The following CPQ variants were observed in gnomAD, a reference collection of about 807,000 sequenced individuals.
The protein encoded by CPQ is carboxypeptidase Q.
A neutral mutation model predicts 45.7 loss-of-function variants in CPQ; 37 were observed. The ratio of observed to expected loss-of-function variants is 0.81; its 90% CI spans 0.62 to 1.07. The LOEUF is 1.07. CPQ is among the 50% of genes least tolerant of loss of function. CPQ has a pLI of 0.00. For missense variants in CPQ, 537 were observed against 572.9 expected (o/e 0.94, Z 0.64); for synonymous variants, 186 against 205.8 (o/e 0.90, Z 0.82).
Position 96,706,265 on chromosome 8 carries a change from ACT to A in CPQ, c.-35+60866_-35+60867del, listed in dbSNP as rs1419054874. ...TCAAGCCCCTGGTTTTGAACCAATGACTCTATTATTTTAAGCCAGGTGTATTG... is the reference window on the plus strand; with the variant it reads ...TCAAGCCCCTGGTTTTGAACCAATGACTATTATTTTAAGCCAGGTGTATTG... On this transcript the variant is annotated intron_variant, in intron 1 of 7. Coordinates refer to ENST00000220763, the MANE Select transcript of CPQ (RefSeq NM_016134.4). Among the ~76,000 whole-genome samples the A allele has an allele frequency of 4.6e-5, 7 of 151,882 alleles. 1 individual carries two copies. Among genetic ancestry groups the A allele is most frequent in the African/African-American group, 1.5e-4 (6 of 41,342 alleles).
At chr8:96,903,931 G>C (rs1812544362) in intron 4 of CPQ, among the ~76,000 whole-genome samples, 1 of 152,188 alleles carries the variant, frequency 6.6e-6, no homozygotes, top group African/African-American at 2.4e-5. Context: ...GAGTGTCTTT[G>C]CCTTCTAGGA....
intron 5 of CPQ, among the ~76,000 whole-genome samples, chr8:97,015,643 G>GAAAT (rs1431190459): frequency 6.6e-6 from 1 of 152,028 alleles, no homozygotes; most frequent in African/African-American, 2.4e-5. Flanking sequence ...ATTGCTGGTA[G>GAAAT]AAATATAAAT....
At chr8:97,013,882 T>C (rs1426185592) in intron 5 of CPQ, among the ~76,000 whole-genome samples, 7 of 152,316 alleles carry the variant, frequency 4.6e-5, no homozygotes, top group Non-Finnish European at 7.3e-5. Flanking sequence ...ATTCTTTATA[T>C]AGAAAAAGAA....
chr8:96,960,951 C>G (rs560331291), intron 4 of CPQ, among the ~76,000 whole-genome samples: 1 of 152,164 alleles, frequency 6.6e-6, no homozygotes, highest in East Asian at 1.9e-4. Flanking sequence ...TGTATCGATT[C>G]TACTGATGAT....
At chr8:96,897,079 T>C (rs1312231350) in intron 4 of CPQ, among the ~76,000 whole-genome samples, 4 of 152,204 alleles carry the variant, frequency 2.6e-5, no homozygotes, top group African/African-American at 9.6e-5. Flanking sequence ...ATTATCATAC[T>C]TTGTTATTGC....
At chr8:96,829,586 C>A (rs1811424111) in intron 2 of CPQ, among the ~76,000 whole-genome samples, 1 of 152,062 alleles carries the variant, frequency 6.6e-6, no homozygotes. Context: ...ATAGGTGTTT[C>A]ATCTATTTTT....
In CPQ at chr8:96,879,898, C is replaced by T. The variant is rs151033390; in HGVS notation, c.742C>T (p.His248Tyr). 4 of 1,613,920 alleles carry T rather than the reference C, an allele frequency of 2.5e-6. No individual in the cohort carries two copies. The highest frequency in any genetic ancestry group is 3.4e-6 in the Non-Finnish European group (4 of 1,179,968). Residue 248 changes from histidine to tyrosine, a missense_variant, in exon 4 of 8, where the codon CAT becomes TAT. Physicochemically the swap from His to Tyr is moderately conservative, Grantham distance 83 (BLOSUM62 2). Coordinates refer to ENST00000220763, the MANE Select transcript of CPQ (RefSeq NM_016134.4). Reference sequence around the variant, plus strand: ...AGAAATGATGTCAAGAATGGCTTCTCATGGGATCAAAATTGTCATTCAGCT... The same window carrying T: ...AGAAATGATGTCAAGAATGGCTTCTTATGGGATCAAAATTGTCATTCAGCT... ...DAEMMSRMAS[H>Y]GIKIVIQLKM...
chr8:97,071,435 C>T (rs143651898), intron 7 of CPQ, among the ~76,000 whole-genome samples: 32 of 152,260 alleles, frequency 2.1e-4, no homozygotes, highest in African/African-American at 7.7e-4. Flanking sequence ...TCTCCTCCTC[C>T]TCTGTCCCCT....
intron 1 of CPQ, among the ~76,000 whole-genome samples, chr8:96,744,219 G>T (rs1035536808): frequency 6.6e-6 from 1 of 152,206 alleles, no homozygotes. Context: ...GCAGTATTAG[G>T]GTGGGAGTGA....
intron 2 of CPQ, among the ~76,000 whole-genome samples, chr8:96,792,691 T>A (rs1385437419): frequency 6.6e-6 from 1 of 152,212 alleles, no homozygotes; most frequent in Admixed American, 6.5e-5. Flanking sequence ...TCATTTAGTT[T>A]ACTCATTTAT....
At chr8:96,962,019 C>T (rs936160782) in intron 4 of CPQ, among the ~76,000 whole-genome samples, 7 of 152,120 alleles carry the variant, frequency 4.6e-5, no homozygotes, top group East Asian at 1.9e-4. Flanking sequence ...TCTTTGATTT[C>T]GTCCATCTCC....
chr8:97,039,927 G>C (rs1436543765), intron 6 of CPQ, among the ~76,000 whole-genome samples: 2 of 151,858 alleles, frequency 1.3e-5, no homozygotes, highest in Non-Finnish European at 2.9e-5. Context: ...ATTGTGAATA[G>C]TGCCACAATA....
At chr8:96,793,487 A>C (rs567953556) in intron 2 of CPQ, among the ~76,000 whole-genome samples, 1 of 152,282 alleles carries the variant, frequency 6.6e-6, no homozygotes, top group Non-Finnish European at 1.5e-5. Context: ...CCATGATTCA[A>C]TTACCTCCCA....
intron 3 of CPQ, among the ~76,000 whole-genome samples, chr8:96,839,057 A>G (rs1347122433): frequency 6.6e-6 from 1 of 151,332 alleles, no homozygotes; most frequent in Non-Finnish European, 1.5e-5. Context: ...TCATCTAAAA[A>G]TATTATAGAG....
At chr8:96,932,139 A>G (rs1178778799) in intron 4 of CPQ, among the ~76,000 whole-genome samples, 1 of 152,166 alleles carries the variant, frequency 6.6e-6, no homozygotes, top group Non-Finnish European at 1.5e-5. Context: ...ACGGTTGTTA[A>G]CACTTTGCTA....
intron 1 of CPQ, among the ~76,000 whole-genome samples, chr8:96,720,879 A>G (rs992810648): frequency 6.6e-6 from 1 of 151,592 alleles, no homozygotes. Context: ...TTGCGAATGC[A>G]TTTTCTATGG....
intron 7 of CPQ, among the ~76,000 whole-genome samples, chr8:97,114,639 A>G (rs1446133954): frequency 6.6e-6 from 1 of 152,208 alleles, no homozygotes; most frequent in Non-Finnish European, 1.5e-5. Context: ...AACTCACTGC[A>G]TGGAAGTTAT....
intron 7 of CPQ, among the ~76,000 whole-genome samples, chr8:97,103,853 A>T (rs1011427782): frequency 6.6e-6 from 1 of 152,220 alleles, no homozygotes; most frequent in South Asian, 2.1e-4. Context: ...AGAAGCTTTC[A>T]TCATTGGCTG....
At chr8:96,729,605 G>T (rs1312061024) in intron 1 of CPQ, among the ~76,000 whole-genome samples, 2 of 151,992 alleles carry the variant, frequency 1.3e-5, no homozygotes, top group African/African-American at 4.8e-5. Flanking sequence ...TCAACATTTT[G>T]CCATATTTGC....
Sources: gnomAD v4.1 joint callset for allele counts (sites outside exome capture counted in the v4.1 genomes callset) on GRCh38, gnomAD v4.1.1 for gene constraint, MANE v1.5 for transcripts, NCBI Gene and HGNC (gene_info 2026-07-23, HGNC 2026-07-21) for gene names.